NLK: variants seen among roughly 807,000 people sequenced by gnomAD.
NLK encodes the protein nemo like kinase, also known as serine/threonine-protein kinase NLK.
NLK carries 11 observed loss-of-function variants against 59.0 expected under a neutral mutation model. That is an observed-to-expected ratio of 0.19 (90% CI 0.12 to 0.31). NLK has a LOEUF of 0.31. Ranked by LOEUF, NLK falls within the 10% of genes least tolerant of loss-of-function variation. The probability of loss-of-function intolerance (pLI) is 1.00; values close to 1 mark genes in which losing one functional copy is unlikely to be tolerated. For synonymous variants in NLK, 235 were observed against 235.9 expected (o/e 1.00, Z 0.03); for missense variants, 410 against 661.1 (o/e 0.62, Z 4.16).
chr17:28,185,122 C>A, intron 7 of NLK, 57 bp from the exon 8 acceptor site: 2 of 1,019,808 alleles, frequency 2.0e-6, no homozygotes, highest in Non-Finnish European at 2.9e-6. Context: ...TGGCTGTATT[C>A]CATAGCTGTT....
At chr17:28,062,210 G>A (rs1909686088) in intron 1 of NLK, 2 of 152,062 alleles carry the variant, frequency 1.3e-5, no homozygotes, top group African/African-American at 4.8e-5. Context: ...TTCTGAGGAT[G>A]TCTAGAATGG....
At position 28,194,859 on chromosome 17, in the gene NLK, G is replaced by A; in HGVS notation, c.*223G>A. 1 of 383,952 alleles carries A rather than the reference G, an allele frequency of 2.6e-6. No individual in the cohort carries two copies. Among genetic ancestry groups the A allele is most frequent in the African/African-American group, 2.1e-5 (1 of 48,356 alleles). The allele number at this position is 383,952 out of a possible 1,614,324, so 23.8% of individuals were successfully genotyped here. On this transcript the variant is annotated 3_prime_UTR_variant, in exon 11 of 11. Transcript: ENST00000407008. ...GAAGAAAAATATTTTACCCAGAGTT[G>A]CACATGTTTTATGAATTTAGTGCAG...
chr17:28,119,911 C>G (rs1905949973), intron 1 of NLK, among the ~76,000 whole-genome samples: 1 of 152,160 alleles, frequency 6.6e-6, no homozygotes, highest in African/African-American at 2.4e-5. Flanking sequence ...GAGAAAACAA[C>G]AAACCCAAAT....
intron 1 of NLK, among the ~76,000 whole-genome samples, chr17:28,104,553 C>G (rs1209582073): frequency 6.6e-6 from 1 of 151,974 alleles, no homozygotes; most frequent in South Asian, 2.1e-4. Flanking sequence ...TACACCCGGC[C>G]GGGTTTTAGT....
At chr17:28,158,791 C>T (rs894108376) in intron 3 of NLK, among the ~76,000 whole-genome samples, 2 of 152,112 alleles carry the variant, frequency 1.3e-5, no homozygotes, top group African/African-American at 4.8e-5. Context: ...AGCCACCACA[C>T]CTGGCTAAGT....
chr17:28,178,098 A>C (rs1437108361), intron 7 of NLK, among the ~76,000 whole-genome samples: 1 of 152,216 alleles, frequency 6.6e-6, no homozygotes, highest in Non-Finnish European at 1.5e-5. Flanking sequence ...TCCTAGCTGC[A>C]AAACAGGCTA....
intron 1 of NLK, among the ~76,000 whole-genome samples, chr17:28,119,796 C>T (rs184358926): frequency 3.5e-4 from 54 of 152,268 alleles, no homozygotes; most frequent in African/African-American, 1.0e-3. Context: ...AAGTTATCAA[C>T]AGTAATGGGA....
intron 1 of NLK, among the ~76,000 whole-genome samples, chr17:28,121,933 GA>G (rs35262110): frequency 6.6e-6 from 1 of 151,314 alleles, no homozygotes; most frequent in Admixed American, 6.6e-5. Flanking sequence ...GGCAAAAAGA[GA>G]AAAAAAAGGG....
intron 8 of NLK, among the ~76,000 whole-genome samples, chr17:28,187,706 T>C (rs895670251): frequency 9.9e-5 from 15 of 152,214 alleles, no homozygotes; most frequent in African/African-American, 3.6e-4. Flanking sequence ...AGCCCATTTT[T>C]CTGGGAGGTC....
At chr17:28,169,350 A>G (rs1908371364) in intron 6 of NLK, among the ~76,000 whole-genome samples, 1 of 152,252 alleles carries the variant, frequency 6.6e-6, no homozygotes, top group East Asian at 1.9e-4. Context: ...TGCTTAGAAT[A>G]TAAATTTTTA....
chr17:28,065,591 A>G (rs1438329939), intron 1 of NLK, among the ~76,000 whole-genome samples: 1 of 152,226 alleles, frequency 6.6e-6, no homozygotes, highest in African/African-American at 2.4e-5. Flanking sequence ...TGGCTCAGGC[A>G]ATACTAAGAA....
intron 7 of NLK, among the ~76,000 whole-genome samples, chr17:28,181,270 G>A (rs1908893932): frequency 6.6e-6 from 1 of 152,074 alleles, no homozygotes; most frequent in Non-Finnish European, 1.5e-5. Flanking sequence ...CGTGTGGCAG[G>A]TGCCTGTAAT....
At chr17:28,147,207 G>A (rs1046814863) in intron 3 of NLK, among the ~76,000 whole-genome samples, 5 of 152,124 alleles carry the variant, frequency 3.3e-5, no homozygotes, top group Admixed American at 3.3e-4. Context: ...TGCTAATGAT[G>A]ATGGTTAAAC....
chr17:28,184,664 G>A (rs1039878073), intron 7 of NLK, among the ~76,000 whole-genome samples: 3 of 152,058 alleles, frequency 2.0e-5, no homozygotes, highest in Non-Finnish European at 2.9e-5. Context: ...AAAAATCTAC[G>A]GGGATGGACG....
chr17:28,101,677 T>C (rs1904906654), intron 1 of NLK, among the ~76,000 whole-genome samples: 1 of 152,204 alleles, frequency 6.6e-6, no homozygotes, highest in Non-Finnish European at 1.5e-5. Flanking sequence ...TTCTAGTAGC[T>C]CTTTGTATGT....
chr17:28,064,783 C>T (rs752436903), intron 1 of NLK, among the ~76,000 whole-genome samples: 3 of 152,180 alleles, frequency 2.0e-5, no homozygotes, highest in Non-Finnish European at 2.9e-5. Context: ...ATGTGCCTTT[C>T]GGCAAATTGC....
rs36071137 is a variant in NLK at position 28,134,640 on chromosome 17, T to C, written c.644+1965T>C. The stretch of plus-strand genomic sequence containing the variant: ...TGGATACTGAGGGGAAACTGTAATC[T>C]TTGGTGATATTTTAATCCACAGATC... On this transcript the variant is annotated intron_variant, in intron 3 of 10. Coordinates refer to ENST00000407008, the MANE Select transcript of NLK (RefSeq NM_016231.5). Among the ~76,000 whole-genome samples, 939 of 152,326 alleles carry C rather than the reference T, an allele frequency of 6.2e-3. 11 individuals carry two copies. The highest frequency in any genetic ancestry group is 0.021 in the African/African-American group (879 of 41,576).
At chr17:28,048,612 G>C (rs1039051616) in intron 1 of NLK, 2 of 151,984 alleles carry the variant, frequency 1.3e-5, no homozygotes, top group Non-Finnish European at 2.9e-5. Flanking sequence ...TTAAATTCTG[G>C]GTTTTTACCT....
chr17:28,111,079 C>T (rs561484315), intron 1 of NLK, among the ~76,000 whole-genome samples: 104 of 152,242 alleles, frequency 6.8e-4, no homozygotes, highest in African/African-American at 2.5e-3. Flanking sequence ...CTCCTGACCT[C>T]GTGATCCGCC....
Sources: allele counts gnomAD v4.1 joint callset (sites outside exome capture counted in the v4.1 genomes callset), GRCh38; gene constraint gnomAD v4.1.1; transcripts MANE v1.5; gene names NCBI Gene and HGNC (gene_info 2026-07-23, HGNC 2026-07-21).